Variants in GABPB2 observed in about 807,000 individuals in gnomAD.
GABPB2 encodes GA binding protein transcription factor subunit beta 2.
Under a neutral mutation model 39.1 loss-of-function variants are expected in GABPB2, and 23 were observed. The ratio of observed to expected loss-of-function variants is 0.59; its 90% CI spans 0.42 to 0.83. The LOEUF (loss-of-function observed/expected upper bound fraction) is 0.83, where lower values mean the gene tolerates loss of function less well. GABPB2 is among the 40% of genes least tolerant of loss of function. GABPB2 has a pLI of 0.00. For missense variants in GABPB2, 467 were observed against 541.1 expected, an observed-to-expected ratio of 0.86 and a Z score of 1.36; for synonymous variants, 184 against 199.3, an observed-to-expected ratio of 0.92 and a Z score of 0.65.
chr1:151,115,526 G>A lies in GABPB2; in HGVS notation c.923-1866G>A, dbSNP rs587729069. Among the ~76,000 whole-genome samples the A allele has an allele frequency of 6.6e-3, 987 of 150,006 alleles. 5 individuals are homozygous for A. The highest frequency in any genetic ancestry group is 0.01 in the Non-Finnish European group (690 of 67,636). ...AGTGATTGTCCTGCCTCAGCCTCCC[G>A]AGTAGCTGGGATTACAGGCAGGTGC... On this transcript the variant is annotated intron_variant, in intron 7 of 8. Coordinates refer to ENST00000368918, the MANE Select transcript of GABPB2 (RefSeq NM_144618.3).
At chr1:151,071,143 G>A (rs1267503476) in intron 1 of GABPB2, among the ~76,000 whole-genome samples, 3 of 152,114 alleles carry the variant, frequency 2.0e-5, no homozygotes, top group Non-Finnish European at 4.4e-5. Context: ...ACTGGAAGGA[G>A]GTGAAGAAGG....
chr1:151,101,994 T>A lies in GABPB2; in HGVS notation c.623-1568T>A, dbSNP rs368517976. Among the ~76,000 whole-genome samples, 15 of 152,274 alleles carry A rather than the reference T, an allele frequency of 9.9e-5. No homozygotes were observed. In the East Asian group the frequency reaches 2.3e-3, roughly 23 times the overall value. On this transcript the variant is annotated intron_variant, in intron 5 of 8. Coordinates refer to ENST00000368918, the MANE Select transcript of GABPB2 (RefSeq NM_144618.3). ...TAGCTATGAGAATAGCACACAGATATAAGAGAAGAAGGTTATGAACAAAGT... is the reference window on the plus strand; with the variant it reads ...TAGCTATGAGAATAGCACACAGATAAAAGAGAAGAAGGTTATGAACAAAGT...
At chr1:151,082,009 C>G (rs1243290593) in intron 1 of GABPB2, among the ~76,000 whole-genome samples, 1 of 151,560 alleles carries the variant, frequency 6.6e-6, no homozygotes, top group Non-Finnish European at 1.5e-5. Context: ...ATTATAATAA[C>G]TTTTTCCAGT....
chr1:151,102,604 G>A (rs1260386332), intron 5 of GABPB2, among the ~76,000 whole-genome samples: 5 of 151,956 alleles, frequency 3.3e-5, no homozygotes, highest in African/African-American at 1.2e-4. Context: ...CACCAACCCA[G>A]CTAATTTTTG....
chr1:151,122,808 A>T lies in GABPB2; in HGVS notation c.*4552A>T, dbSNP rs1681230718. 6.6e-6 allele frequency: 1 copy of T among 152,032 alleles called. No homozygotes were observed. Among genetic ancestry groups the T allele is most frequent in the Admixed American group, 6.6e-5 (1 of 15,224 alleles). The allele number at this position is 152,032 out of a possible 1,614,324, so 9.4% of individuals were successfully genotyped here. A position where few individuals can be genotyped will look rare whatever the true frequency, so the allele number is the denominator to read the frequency against. On this transcript the variant is annotated 3_prime_UTR_variant, in exon 9 of 9. Transcript: ENST00000368918. ...AGTCATTTTTTATGATGGGTCTCTG[A>T]GATAGGGCAGTTTGTTAGAGGAGAG... is the stretch of plus-strand genomic sequence containing the variant.
At chr1:151,110,157 T>C (rs1680310067) in intron 7 of GABPB2, among the ~76,000 whole-genome samples, 2 of 151,620 alleles carry the variant, frequency 1.3e-5, no homozygotes, top group South Asian at 4.2e-4. Flanking sequence ...TCACGACCCC[T>C]GGTCTTTTTT....
chr1:151,098,587 T>C (rs1679284203), intron 5 of GABPB2, among the ~76,000 whole-genome samples: 1 of 151,366 alleles, frequency 6.6e-6, no homozygotes, highest in African/African-American at 2.4e-5. Flanking sequence ...TGAAGGTGCC[T>C]CAACATGATA....
At chr1:151,076,537 C>T (rs933885248) in intron 1 of GABPB2, among the ~76,000 whole-genome samples, 1 of 151,872 alleles carries the variant, frequency 6.6e-6, no homozygotes, top group African/African-American at 2.4e-5. Context: ...TCAAGCAATT[C>T]TCCTGCATCA....
At chr1:151,100,364 C>G (rs181605791) in intron 5 of GABPB2, among the ~76,000 whole-genome samples, 1 of 151,324 alleles carries the variant, frequency 6.6e-6, no homozygotes, top group East Asian at 1.9e-4. Flanking sequence ...AGGCTGGTCT[C>G]GAACTCCTGA....
chr1:151,077,666 A>G (rs1051750200), intron 1 of GABPB2, among the ~76,000 whole-genome samples: 7 of 151,844 alleles, frequency 4.6e-5, no homozygotes, highest in Non-Finnish European at 7.4e-5. Flanking sequence ...TAAAAAAAAA[A>G]GAGAGGCCAG....
Position 151,123,167 on chromosome 1 carries a change from C to T in GABPB2, c.*4911C>T, listed in dbSNP as rs1432502018. ...GGATTATTAAGAATCAAATAGCAGACAAAAATGGCTGGGCACGGTGGCTCA... is the reference window on the plus strand; with the variant it reads ...GGATTATTAAGAATCAAATAGCAGATAAAAATGGCTGGGCACGGTGGCTCA... On this transcript the variant is annotated 3_prime_UTR_variant, in exon 9 of 9. Transcript: ENST00000368918. 1.3e-5 allele frequency: 2 copies of T among 152,104 alleles called. No homozygotes were observed. The highest frequency in any genetic ancestry group is 2.4e-5 in the African/African-American group (1 of 41,420). 9.4% of individuals were successfully genotyped at this position (152,104 alleles called of 1,614,324 possible). A position where few individuals can be genotyped will look rare whatever the true frequency, so the allele number is the denominator to read the frequency against.
intron 1 of GABPB2, among the ~76,000 whole-genome samples, chr1:151,082,131 C>A (rs1571899252): frequency 7.2e-6 from 1 of 139,812 alleles, no homozygotes; most frequent in Non-Finnish European, 1.5e-5. Context: ...GACTGGAGTG[C>A]AGTGGTGCGA....
In GABPB2 at chr1:151,120,956, A is replaced by C. The variant is rs1459067052; in HGVS notation, c.*2700A>C. 6.6e-6 allele frequency: 1 copy of C among 151,996 alleles called. No homozygotes were observed. The highest frequency in any genetic ancestry group is 2.4e-5 in the African/African-American group (1 of 41,372). 9.4% of individuals were successfully genotyped at this position (151,996 alleles called of 1,614,324 possible). On this transcript the variant is annotated 3_prime_UTR_variant, in exon 9 of 9. Transcript: ENST00000368918. The stretch of plus-strand genomic sequence containing the variant: ...TATTCAGTAGAGACAGGGTTTCTCT[A>C]TGTTGGTCAGGCTGGTCTGGAACTC...
In GABPB2 at chr1:151,084,194, G is replaced by A. The variant is rs976365750; in HGVS notation, c.1-3996G>A. 2.6e-5 allele frequency among the ~76,000 whole-genome samples: 4 copies of A among 151,710 alleles called. No homozygotes were observed. In the East Asian group the frequency reaches 5.8e-4, roughly 22 times the overall value. ...CCCTAAATGCTGCAATTGCAGGCGT[G>A]AGCCACTGTGCCCAGCTGTTTTTTT... On this transcript the variant is annotated intron_variant, in intron 1 of 8. Coordinates refer to ENST00000368918, the MANE Select transcript of GABPB2 (RefSeq NM_144618.3).
chr1:151,080,913 C>G (rs1677629710), intron 1 of GABPB2, among the ~76,000 whole-genome samples: 2 of 150,052 alleles, frequency 1.3e-5, no homozygotes, highest in East Asian at 2.0e-4. Flanking sequence ...CGCTCTGTCC[C>G]CCAGGCTGGA....
chr1:151,072,496 C>T (rs1381879331), intron 1 of GABPB2, among the ~76,000 whole-genome samples: 3 of 152,022 alleles, frequency 2.0e-5, no homozygotes, highest in Admixed American at 6.6e-5. Context: ...CTGCAGTGAG[C>T]CGTGATTGCA....
chr1:151,082,979 A>T (rs1259250298), intron 1 of GABPB2, among the ~76,000 whole-genome samples: 1 of 151,416 alleles, frequency 6.6e-6, no homozygotes, highest in Non-Finnish European at 1.5e-5. Context: ...CTGTCTCAAA[A>T]AAAAAAAAAA....
chr1:151,083,988 C>T (rs1366549684), intron 1 of GABPB2, among the ~76,000 whole-genome samples: 1 of 150,950 alleles, frequency 6.6e-6, no homozygotes, highest in Admixed American at 6.6e-5. Flanking sequence ...ATCCAGCCCC[C>T]TCAGCCTCCC....
At position 151,124,025 on chromosome 1, in the gene GABPB2, T is replaced by G. The variant is rs1369250275; in HGVS notation, c.*5769T>G. On this transcript the variant is annotated 3_prime_UTR_variant, in exon 9 of 9. Transcript: ENST00000368918. Reference sequence around the variant, plus strand: ...TAAAAATACAAAAATTAGCCGGGGGTGGTGGCGCATCATCATACTGGTGAG... The same window carrying G: ...TAAAAATACAAAAATTAGCCGGGGGGGGTGGCGCATCATCATACTGGTGAG... 1.1e-4 allele frequency: 5 copies of G among 46,580 alleles called. No homozygotes were observed. Among genetic ancestry groups the G allele is most frequent in the Admixed American group, 3.3e-4 (1 of 3,034 alleles). 2.9% of individuals were successfully genotyped at this position (46,580 alleles called of 1,614,324 possible).
Sources: gnomAD v4.1 joint callset for allele counts (sites outside exome capture counted in the v4.1 genomes callset) on GRCh38, gnomAD v4.1.1 for gene constraint, MANE v1.5 for transcripts, NCBI Gene and HGNC (gene_info 2026-07-23, HGNC 2026-07-21) for gene names.